Variants in SLCO5A1 observed in about 807,000 individuals in gnomAD.
The protein encoded by SLCO5A1 is solute carrier organic anion transporter family member 5A1, also known as organic anion transporter polypeptide-related protein 4.
A neutral mutation model predicts 65.1 loss-of-function variants in SLCO5A1; 39 were observed. The ratio of observed to expected loss-of-function variants is 0.60; its 90% CI spans 0.46 to 0.78. The LOEUF (loss-of-function observed/expected upper bound fraction) is 0.78. Ranked by LOEUF, SLCO5A1 falls within the 30% of genes least tolerant of loss-of-function variation. The probability of loss-of-function intolerance (pLI) is 0.00; values close to 1 mark genes in which losing one functional copy is unlikely to be tolerated. For synonymous variants in SLCO5A1, 438 were observed against 415.7 expected, an observed-to-expected ratio of 1.05 and a Z score of -0.65; for missense variants, 1,029 against 1,069.4, an observed-to-expected ratio of 0.96 and a Z score of 0.53.
chr8:69,759,639 TTTTA>T (rs1169061256), intron 3 of SLCO5A1, among the ~76,000 whole-genome samples: 1 of 152,046 alleles, frequency 6.6e-6, no homozygotes, highest in African/African-American at 2.4e-5. Context: ...CATCTCTCAA[TTTTA>T]TTTATTTATT....
At chr8:69,779,396 G>A (rs2130881248) in intron 2 of SLCO5A1, among the ~76,000 whole-genome samples, 1 of 152,196 alleles carries the variant, frequency 6.6e-6, no homozygotes, top group South Asian at 2.1e-4. Context: ...AAGACTATTT[G>A]CATAAAAAGA....
At chr8:69,762,118 T>TTTTCTTTCTTTCTTTCTTTCTTTC (rs552749800) in intron 2 of SLCO5A1, among the ~76,000 whole-genome samples, 8 of 104,710 alleles carry the variant, frequency 7.6e-5, no homozygotes, top group Admixed American at 6.0e-4. Context: ...TTTTGTTTTG[T>TTTTCTTTCTTTCTTTCTTTCTTTC]TTTCTTTCTT....
At chr8:69,749,929 C>T (rs998517075) in intron 4 of SLCO5A1, among the ~76,000 whole-genome samples, 7 of 152,060 alleles carry the variant, frequency 4.6e-5, no homozygotes, top group African/African-American at 1.7e-4. Flanking sequence ...GAAGGGCTCA[C>T]TGATAAGGGG....
chr8:69,715,100 T>G (rs1815450098), intron 5 of SLCO5A1, among the ~76,000 whole-genome samples: 1 of 152,224 alleles, frequency 6.6e-6, no homozygotes, highest in Non-Finnish European at 1.5e-5. Flanking sequence ...TAAAAGAATT[T>G]TCTGCATCCA....
At position 69,832,110 on chromosome 8, in the gene SLCO5A1, G is replaced by T; in HGVS notation, c.564C>A (p.Phe188Leu). 1 of 1,614,110 alleles carries T rather than the reference G, an allele frequency of 6.2e-7. No individual in the cohort carries two copies. Residue 188 changes from phenylalanine (F) to leucine (L), a missense_variant, in exon 2 of 10, where the codon TTC becomes TTA. Transcript: ENST00000260126. This position sits in a 1 kb window ranked among gnomAD's most constrained non-coding sequence, Gnocchi z 4.5. ...ACAGGGGCCGCCGACCCCGGCCGCC[G>T]AAGTAGCTGACGAACACCACCACCA... is the stretch of plus-strand genomic sequence containing the variant. ...NLVVVVFVSYFGGRGRRPLWL... is the reference protein window; with the variant it reads ...NLVVVVFVSYLGGRGRRPLWL...
intron 5 of SLCO5A1, among the ~76,000 whole-genome samples, chr8:69,711,551 C>A (rs73279388): frequency 0.14 from 21,004 of 152,146 alleles, 1,711 homozygotes; most frequent in African/African-American, 0.23. Flanking sequence ...CCCAGGCACC[C>A]GAGGCCCGAG....
chr8:69,766,928 A>T (rs1818085626), intron 2 of SLCO5A1, among the ~76,000 whole-genome samples: 1 of 152,188 alleles, frequency 6.6e-6, no homozygotes, highest in Non-Finnish European at 1.5e-5. Flanking sequence ...TGAACGCTCT[A>T]CTGTCATGAA....
intron 6 of SLCO5A1, among the ~76,000 whole-genome samples, chr8:69,704,577 A>G (rs1002095468): frequency 2.0e-5 from 3 of 152,224 alleles, no homozygotes; most frequent in African/African-American, 7.2e-5. Context: ...ATGCAAAAAA[A>G]TGAATGAAAG....
At chr8:69,794,263 A>C (rs753369847) in intron 2 of SLCO5A1, 3 of 478,518 alleles carry the variant, frequency 6.3e-6, no homozygotes, top group Non-Finnish European at 1.3e-5. Flanking sequence ...CCAGAATGGG[A>C]AAGTTTTGCT....
chr8:69,794,376 A>G (rs1819397341), intron 2 of SLCO5A1: 2 of 429,372 alleles, frequency 4.7e-6, no homozygotes, highest in Admixed American at 2.7e-5. Context: ...ACTATTTATC[A>G]TTGTAAAGAT....
intron 2 of SLCO5A1, among the ~76,000 whole-genome samples, chr8:69,783,829 T>C (rs1755020414): frequency 6.6e-6 from 1 of 152,172 alleles, no homozygotes; most frequent in South Asian, 2.1e-4. Context: ...GCGGTGGAGA[T>C]ACATCATTAT....
At chr8:69,706,266 T>G (rs1814964912) in intron 5 of SLCO5A1, among the ~76,000 whole-genome samples, 1 of 152,170 alleles carries the variant, frequency 6.6e-6, no homozygotes, top group Non-Finnish European at 1.5e-5. Context: ...CACAAACAGG[T>G]AGTACAACTA....
chr8:69,770,947 A>G (rs1818293586), intron 2 of SLCO5A1, among the ~76,000 whole-genome samples: 1 of 152,078 alleles, frequency 6.6e-6, no homozygotes. Context: ...TTTAACCTTT[A>G]TTATACTCTA....
At chr8:69,746,670 C>T (rs1477002879) in intron 4 of SLCO5A1, among the ~76,000 whole-genome samples, 1 of 152,202 alleles carries the variant, frequency 6.6e-6, no homozygotes, top group Non-Finnish European at 1.5e-5. Flanking sequence ...TAAAGAAAGG[C>T]AGAGGGAACA....
At chr8:69,826,592 CA>C (rs1418594163) in intron 2 of SLCO5A1, among the ~76,000 whole-genome samples, 1 of 151,902 alleles carries the variant, frequency 6.6e-6, no homozygotes, top group African/African-American at 2.4e-5. Flanking sequence ...TACCATCTCA[CA>C]CCAGTTAGAA....
chr8:69,719,245 C>T (rs1369907556), intron 5 of SLCO5A1, among the ~76,000 whole-genome samples: 3 of 152,162 alleles, frequency 2.0e-5, no homozygotes, highest in Non-Finnish European at 4.4e-5. Context: ...CTAAATACTG[C>T]ACTTTTAACC....
At chr8:69,815,383 C>T (rs1820361737) in intron 2 of SLCO5A1, among the ~76,000 whole-genome samples, 1 of 151,974 alleles carries the variant, frequency 6.6e-6, no homozygotes, top group South Asian at 2.1e-4. Flanking sequence ...CTTGTTAGAC[C>T]TCCACCTATG....
intron 5 of SLCO5A1, 47 bp from the exon 6 acceptor site, chr8:69,705,276 T>C (rs1374238474): frequency 6.4e-7 from 1 of 1,565,830 alleles, no homozygotes. Flanking sequence ...ATGTACACTA[T>C]TATTCATCTT....
At chr8:69,748,184 A>C (rs1341610660) in intron 4 of SLCO5A1, among the ~76,000 whole-genome samples, 1 of 152,150 alleles carries the variant, frequency 6.6e-6, no homozygotes, top group African/African-American at 2.4e-5. Context: ...TAGCACATTG[A>C]GCCTGAGACA....
Sources: allele counts gnomAD v4.1 joint callset (sites outside exome capture counted in the v4.1 genomes callset), GRCh38; gene constraint gnomAD v4.1.1; non-coding constraint Gnocchi (gnomAD v3.1); transcripts MANE v1.5; gene names NCBI Gene and HGNC (gene_info 2026-07-23, HGNC 2026-07-21).